Variants in SH3RF3 observed in about 807,000 individuals in gnomAD.
The protein encoded by SH3RF3 is E3 ubiquitin-protein ligase SH3RF3.
Under a neutral mutation model 66.3 loss-of-function variants are expected in SH3RF3, and 29 were observed. The observed-to-expected ratio is 0.44, with a 90% CI of 0.33 to 0.60. The LOEUF (loss-of-function observed/expected upper bound fraction) is 0.60, where lower values mean the gene tolerates loss of function less well. Among genes scored for constraint, SH3RF3 ranks in the 20% least tolerant of loss-of-function variants. The probability of loss-of-function intolerance (pLI) is 0.04; values close to 1 mark genes in which losing one functional copy is unlikely to be tolerated. For missense variants in SH3RF3, 1,194 were observed against 1,190.9 expected (o/e 1.00, Z -0.04); for synonymous variants, 583 against 532.0 (o/e 1.10, Z -1.32).
intron 1 of SH3RF3, among the ~76,000 whole-genome samples, chr2:109,213,684 G>A (rs1679044020): frequency 6.6e-6 from 1 of 152,208 alleles, no homozygotes; most frequent in Admixed American, 6.5e-5. Flanking sequence ...GGTCAAGATG[G>A]CTTCATCTGT....
chr2:109,161,244 A>G (rs1345581079), intron 1 of SH3RF3, among the ~76,000 whole-genome samples: 1 of 152,188 alleles, frequency 6.6e-6, no homozygotes, highest in Non-Finnish European at 1.5e-5. Flanking sequence ...TAAGTCAGGC[A>G]CGAGTATGCA....
intron 1 of SH3RF3, among the ~76,000 whole-genome samples, chr2:109,200,153 T>C (rs941168188): frequency 7.2e-5 from 11 of 152,170 alleles, no homozygotes; most frequent in Admixed American, 4.6e-4. Context: ...AAGGTGACTT[T>C]GTTGGTATGG....
intron 1 of SH3RF3, among the ~76,000 whole-genome samples, chr2:109,332,739 AC>A (rs1321307307): frequency 6.6e-6 from 1 of 152,040 alleles, no homozygotes; most frequent in Non-Finnish European, 1.5e-5. Flanking sequence ...AGGAGCAGCC[AC>A]CCCGCCCCCA....
chr2:109,167,938 T>C (rs1677668787), intron 1 of SH3RF3, among the ~76,000 whole-genome samples: 1 of 152,188 alleles, frequency 6.6e-6, no homozygotes, highest in Non-Finnish European at 1.5e-5. Context: ...GTGTTTATTG[T>C]TGTATCTTTC....
intron 1 of SH3RF3, among the ~76,000 whole-genome samples, chr2:109,132,584 C>G (rs1676724281): frequency 6.6e-6 from 1 of 152,164 alleles, no homozygotes; most frequent in Non-Finnish European, 1.5e-5. Flanking sequence ...TACCCATAGC[C>G]TAAGATCAGG....
chr2:109,183,305 G>C (rs568983800), intron 1 of SH3RF3, among the ~76,000 whole-genome samples: 5 of 112,300 alleles, frequency 4.5e-5, no homozygotes, highest in Non-Finnish European at 9.0e-5. Flanking sequence ...TACTGCTTTC[G>C]TGTTCTTAAT....
At chr2:109,451,577 A>G (rs796923346) in intron 8 of SH3RF3, among the ~76,000 whole-genome samples, 17 of 152,310 alleles carry the variant, frequency 1.1e-4, no homozygotes, top group Non-Finnish European at 1.9e-4. Flanking sequence ...GCTGTTCCCC[A>G]TCACCCACCT....
Position 109,398,961 on chromosome 2 carries a change from A to G in SH3RF3, c.1299+18A>G, listed in dbSNP as rs376365695. The G allele has an allele frequency of 1.9e-5, 31 of 1,599,186 alleles. No homozygotes were observed. The African/African-American group carries it at 2.7e-4, about 14-fold the overall frequency. On this transcript the variant is annotated intron_variant, in intron 4 of 9. Coordinates refer to ENST00000309415, the MANE Select transcript of SH3RF3 (RefSeq NM_001099289.3). ...CCACCCAGGTAACATCCCGCGGGCCAGGGCAGGCATCCCTGGGTTCTCTGG... is the reference window on the plus strand; with the variant it reads ...CCACCCAGGTAACATCCCGCGGGCCGGGGCAGGCATCCCTGGGTTCTCTGG...
At chr2:109,151,501 G>A (rs1677225185) in intron 1 of SH3RF3, among the ~76,000 whole-genome samples, 1 of 152,198 alleles carries the variant, frequency 6.6e-6, no homozygotes, top group Non-Finnish European at 1.5e-5. Flanking sequence ...GTCACAAATG[G>A]TAAAAAGAAA....
intron 1 of SH3RF3, among the ~76,000 whole-genome samples, chr2:109,339,821 T>C (rs951559714): frequency 6.6e-6 from 1 of 152,124 alleles, no homozygotes; most frequent in Non-Finnish European, 1.5e-5. Context: ...TGTAAACAGA[T>C]CTGGACCCTC....
chr2:109,194,731 C>T (rs998524296), intron 1 of SH3RF3, among the ~76,000 whole-genome samples: 1 of 152,216 alleles, frequency 6.6e-6, no homozygotes, highest in Admixed American at 6.5e-5. Context: ...CACTGCCCTG[C>T]AGGCCGGGGA....
chr2:109,208,789 A>G (rs1321671877), intron 1 of SH3RF3, among the ~76,000 whole-genome samples: 2 of 152,196 alleles, frequency 1.3e-5, no homozygotes, highest in East Asian at 1.9e-4. Context: ...CTAGAAATAC[A>G]TGTGTTGAGC....
intron 3 of SH3RF3, among the ~76,000 whole-genome samples, chr2:109,396,355 G>A (rs1222946697): frequency 6.6e-6 from 1 of 152,210 alleles, no homozygotes; most frequent in Admixed American, 6.5e-5. Context: ...ACATGTTGGA[G>A]CCCGGAGTGA....
chr2:109,360,023 A>G (rs1210006847), intron 2 of SH3RF3, among the ~76,000 whole-genome samples: 1 of 150,776 alleles, frequency 6.6e-6, no homozygotes, highest in Non-Finnish European at 1.5e-5. Context: ...CAGAGGACCC[A>G]CTTACTGGTC....
intron 1 of SH3RF3, among the ~76,000 whole-genome samples, chr2:109,299,626 C>G (rs1039298822): frequency 1.3e-5 from 2 of 152,136 alleles, no homozygotes; most frequent in African/African-American, 2.4e-5. Flanking sequence ...TCACAGGAAA[C>G]CTTGAATTGT....
chr2:109,199,628 G>GAACCC (rs1678609314), intron 1 of SH3RF3, among the ~76,000 whole-genome samples: 1 of 98 alleles, frequency 0.01, no homozygotes, highest in African/African-American at 0.029. Context: ...GGAATGGAAT[G>GAACCC]GAATGGAATG....
At chr2:109,433,303 G>A (rs1425594854) in intron 6 of SH3RF3, among the ~76,000 whole-genome samples, 1 of 152,232 alleles carries the variant, frequency 6.6e-6, no homozygotes, top group Admixed American at 6.5e-5. Context: ...CGATTGTTGA[G>A]TGGTCGCATT....
chr2:109,464,679 G>T (rs897640518), intron 8 of SH3RF3, among the ~76,000 whole-genome samples: 1 of 152,048 alleles, frequency 6.6e-6, no homozygotes, highest in Non-Finnish European at 1.5e-5. Context: ...ACAAATTTAG[G>T]TTCAGAGAAA....
intron 1 of SH3RF3, among the ~76,000 whole-genome samples, chr2:109,247,792 T>C (rs4676267): frequency 1 from 152,010 of 152,308 alleles, 75,857 homozygotes; most frequent in Middle Eastern, 1. Flanking sequence ...TTTAACTCAC[T>C]GTTGTGTGTG....
Sources: allele counts gnomAD v4.1 joint callset (sites outside exome capture counted in the v4.1 genomes callset), GRCh38; gene constraint gnomAD v4.1.1; transcripts MANE v1.5; gene names NCBI Gene and HGNC (gene_info 2026-07-23, HGNC 2026-07-21).